The following IL33 variants were observed in gnomAD, a reference collection of about 807,000 sequenced individuals.
IL33 encodes interleukin-33.
In IL33, 37 loss-of-function variants were observed where a neutral mutation model predicts 27.3. That is an observed-to-expected ratio of 1.36 (90% CI 1.04 to 1.78). The LOEUF is 1.78. Ranked by LOEUF, IL33 falls within the 40% of genes most tolerant of loss-of-function variation. IL33 has a pLI of 0.00. For missense variants in IL33, 406 were observed against 311.4 expected (o/e 1.30, Z -2.29); for synonymous variants, 132 against 102.9 (o/e 1.28, Z -1.71).
intron 7 of IL33, 106 bp downstream of exon 7, chr9:6,254,659 AT>A (rs1816622182): frequency 7.3e-6 from 4 of 546,216 alleles, no homozygotes; most frequent in Non-Finnish European, 8.9e-6. Flanking sequence ...TTGCAGAAGG[AT>A]TTTTTTGTGT....
intron 1 of IL33, among the ~76,000 whole-genome samples, chr9:6,216,970 G>A (rs973225979): frequency 6.6e-6 from 1 of 152,136 alleles, no homozygotes; most frequent in African/African-American, 2.4e-5. Flanking sequence ...ATGCCACAGA[G>A]GATTCAAAGT....
rs138526011 is a variant in IL33 at position 6,246,686 on chromosome 9, G to A, written c.92-3788G>A. Among the ~76,000 whole-genome samples, 925 of 152,234 alleles carry A rather than the reference G, an allele frequency of 6.1e-3. 6 individuals are homozygous for A. Among genetic ancestry groups the A allele is most frequent in the Non-Finnish European group, 0.01 (697 of 68,014 alleles). On this transcript the variant is annotated intron_variant, in intron 2 of 7. Transcript: ENST00000682010. ...AGTGGGTTAGTTATTACAGGATTGG[G>A]TTTCTGATAAAAATGATGAAGTTCA...
intron 2 of IL33, among the ~76,000 whole-genome samples, chr9:6,248,249 T>C (rs1252433086): frequency 0.018 from 2,544 of 140,316 alleles, 45 homozygotes; most frequent in African/African-American, 0.063. Flanking sequence ...TCTTTTTTTT[T>C]TTTTTTTTTT....
chr9:6,246,370 T>A (rs1819858494), intron 2 of IL33, among the ~76,000 whole-genome samples: 1 of 151,948 alleles, frequency 6.6e-6, no homozygotes. Context: ...AAGACCATCT[T>A]TGCCAACATG....
intron 2 of IL33, among the ~76,000 whole-genome samples, chr9:6,249,147 G>A (rs967403747): frequency 6.6e-6 from 1 of 152,086 alleles, no homozygotes; most frequent in Non-Finnish European, 1.5e-5. Flanking sequence ...ATAATTAAGT[G>A]GTCTCCCCTT....
intron 3 of IL33, 118 bp downstream of exon 3, chr9:6,250,717 GA>G: frequency 8.3e-7 from 1 of 1,205,804 alleles, no homozygotes; most frequent in Non-Finnish European, 1.1e-6. Context: ...AAAATATTAA[GA>G]ATGATGAACT....
intron 7 of IL33, 131 bp from the exon 8 acceptor site, chr9:6,255,837 C>T (rs948870614): frequency 2.8e-6 from 2 of 707,840 alleles, no homozygotes; most frequent in African/African-American, 3.6e-5. Context: ...CCCTCCACAA[C>T]TCACTAAGCA....
In IL33 at chr9:6,244,048, C is replaced by T. The variant is rs142317695; in HGVS notation, c.91+2263C>T. Among the ~76,000 whole-genome samples the T allele has an allele frequency of 4.6e-5, 7 of 152,278 alleles. No individual in the cohort carries two copies. In the East Asian group the frequency reaches 1.2e-3, roughly 25 times the overall value. On this transcript the variant is annotated intron_variant, in intron 2 of 7. Coordinates refer to ENST00000682010, the MANE Select transcript of IL33 (RefSeq NM_033439.4). ...GACTTTGCATCCCTAAATTGCCTCT[C>T]ATAAAAAGTACATTTTCTTTGTACC...
In IL33 at chr9:6,257,238, A is replaced by T. The variant is rs1034256751; in HGVS notation, c.*1070A>T. 14 of 152,024 alleles carry T rather than the reference A, an allele frequency of 9.2e-5. No homozygotes were observed. Among genetic ancestry groups the T allele is most frequent in the Non-Finnish European group, 1.8e-4 (12 of 67,998 alleles). 9.4% of individuals were successfully genotyped at this position (152,024 alleles called of 1,614,324 possible). A position where few individuals can be genotyped will look rare whatever the true frequency, so the allele number is the denominator to read the frequency against. On this transcript the variant is annotated 3_prime_UTR_variant, in exon 8 of 8. Coordinates refer to ENST00000682010, the MANE Select transcript of IL33 (RefSeq NM_033439.4). ...TTGGGCAAAGTTGCTTCTAATCCTT[A>T]TTTCCCATGTGCACAAGTCTTTTTG... is the stretch of plus-strand genomic sequence containing the variant.
At chr9:6,223,051 T>G (rs1818478245) in intron 1 of IL33, among the ~76,000 whole-genome samples, 1 of 152,218 alleles carries the variant, frequency 6.6e-6, no homozygotes, top group Non-Finnish European at 1.5e-5. Context: ...TCCTTATACC[T>G]TTGAAGGCTC....
rs1816470003 is a variant in IL33 at position 6,252,662 on chromosome 9, T to G, written c.344-204T>G. 1.3e-5 allele frequency among the ~76,000 whole-genome samples: 2 copies of G among 152,222 alleles called. 1 individual carries two copies. Among genetic ancestry groups the G allele is most frequent in the South Asian group, 4.1e-4 (2 of 4,838 alleles). ...CTCACATGGCCTCCCAGGGCCTTCA[T>G]GCAGGACACTAGCACCTTTAATCCC... On this transcript the variant is annotated intron_variant, in intron 4 of 7. Transcript: ENST00000682010.
chr9:6,218,632 T>A (rs1177314310), intron 1 of IL33, among the ~76,000 whole-genome samples: 1 of 147,008 alleles, frequency 6.8e-6, no homozygotes, highest in African/African-American at 2.5e-5. Context: ...TCCCTATATA[T>A]ATATTTTTTC....
At chr9:6,246,480 G>A (rs1587654588) in intron 2 of IL33, among the ~76,000 whole-genome samples, 1 of 151,788 alleles carries the variant, frequency 6.6e-6, no homozygotes, top group Non-Finnish European at 1.5e-5. Context: ...GAGAATTGCT[G>A]GAACCCAGGA....
At chr9:6,237,676 A>C (rs1819304897) in intron 1 of IL33, among the ~76,000 whole-genome samples, 1 of 152,094 alleles carries the variant, frequency 6.6e-6, no homozygotes, top group African/African-American at 2.4e-5. Flanking sequence ...CATGACTCTG[A>C]CTCTCCTAGA....
At chr9:6,244,366 A>C (rs912465371) in intron 2 of IL33, among the ~76,000 whole-genome samples, 2 of 152,334 alleles carry the variant, frequency 1.3e-5, no homozygotes, top group African/African-American at 4.8e-5. Flanking sequence ...GGAAATATGT[A>C]CCAAGACACC....
At chr9:6,237,972 C>G (rs893859826) in intron 1 of IL33, among the ~76,000 whole-genome samples, 4 of 152,090 alleles carry the variant, frequency 2.6e-5, no homozygotes, top group Non-Finnish European at 4.4e-5. Flanking sequence ...CTTATTATTC[C>G]AAATGCGTGA....
At chr9:6,227,785 AC>A (rs1818710623) in intron 1 of IL33, among the ~76,000 whole-genome samples, 1 of 152,152 alleles carries the variant, frequency 6.6e-6, no homozygotes, top group African/African-American at 2.4e-5. Context: ...GGGCCTAATG[AC>A]ATATTTTCAA....
intron 1 of IL33, among the ~76,000 whole-genome samples, chr9:6,217,537 A>C (rs1001808838): frequency 5.3e-5 from 8 of 152,050 alleles, no homozygotes; most frequent in Non-Finnish European, 1.0e-4. Context: ...TAATTTTCTC[A>C]CTGTTATTTC....
intron 2 of IL33, among the ~76,000 whole-genome samples, chr9:6,243,280 C>G (rs1819635636): frequency 6.6e-6 from 1 of 152,128 alleles, no homozygotes; most frequent in Non-Finnish European, 1.5e-5. Flanking sequence ...GCAGCTATAG[C>G]TCTGAGATTA....
Sources: gnomAD v4.1 joint callset for allele counts (sites outside exome capture counted in the v4.1 genomes callset) on GRCh38, gnomAD v4.1.1 for gene constraint, MANE v1.5 for transcripts, NCBI Gene and HGNC (gene_info 2026-07-23, HGNC 2026-07-21) for gene names.